Variants in NAV2 observed in about 807,000 individuals in gnomAD.
NAV2 encodes helicase, APC down-regulated 1.
In NAV2, 54 loss-of-function variants were observed where a neutral mutation model predicts 223.2. The ratio of observed to expected loss-of-function variants is 0.24; its 90% CI spans 0.19 to 0.30. NAV2 has a LOEUF of 0.30. Ranked by LOEUF, NAV2 falls within the 10% of genes least tolerant of loss-of-function variation. The pLI, the probability that NAV2 is intolerant of heterozygous loss-of-function variation, is 1.00. For missense variants in NAV2, 2,806 were observed against 3,147.5 expected (o/e 0.89, Z 2.60); for synonymous variants, 1,279 against 1,239.3 (o/e 1.03, Z -0.67).
chr11:19,953,906 C>G (rs181456786), intron 10 of NAV2, among the ~76,000 whole-genome samples: 1 of 151,980 alleles, frequency 6.6e-6, no homozygotes, highest in African/African-American at 2.4e-5. Flanking sequence ...ACTTGGAGTT[C>G]CTAGCAGGCA....
chr11:19,821,106 T>C lies in NAV2; in HGVS notation c.268-11378T>C, dbSNP rs182476596. Reference sequence around the variant, plus strand: ...TGAAACCCCGTCTCTACTAAAAATATAAAAAATTACCCAGGCGTGGTGGCA... The same window carrying C: ...TGAAACCCCGTCTCTACTAAAAATACAAAAAATTACCCAGGCGTGGTGGCA... On this transcript the variant is annotated intron_variant, in intron 1 of 37. Transcript: ENST00000349880. Among the ~76,000 whole-genome samples, 921 of 151,926 alleles carry C rather than the reference T, an allele frequency of 6.1e-3. 11 individuals carry two copies. The highest frequency in any genetic ancestry group is 0.02 in the Middle Eastern group (6 of 294).
chr11:19,637,686 G>A (rs1002961849), intron 1 of NAV2, among the ~76,000 whole-genome samples: 1 of 152,178 alleles, frequency 6.6e-6, no homozygotes, highest in Non-Finnish European at 1.5e-5. Context: ...GGGGGTGGAG[G>A]ATGTCACACA....
chr11:19,913,272 C>A lies in NAV2; in HGVS notation c.932-19904C>A, dbSNP rs566246816. ...GTGTTTGCAGCTTTATTAAGAAAAT[C>A]AAAGGACCTCCCTCTTCTGCCCTTC... On this transcript the variant is annotated intron_variant, in intron 6 of 37. Coordinates refer to ENST00000349880, the MANE Select transcript of NAV2 (RefSeq NM_145117.5). Among the ~76,000 whole-genome samples, 92 of 152,306 alleles carry A rather than the reference C, an allele frequency of 6.0e-4. 1 individual carries two copies. The South Asian group carries it at 0.019, about 32-fold the overall frequency.
At chr11:19,628,651 A>ACTC (rs980428845) in intron 1 of NAV2, among the ~76,000 whole-genome samples, 2 of 152,098 alleles carry the variant, frequency 1.3e-5, no homozygotes, top group African/African-American at 2.4e-5. Context: ...ACACAAGGAA[A>ACTC]CTCACTCATT....
chr11:19,715,303 C>T (rs915322298), intron 1 of NAV2, among the ~76,000 whole-genome samples: 1 of 152,188 alleles, frequency 6.6e-6, no homozygotes, highest in Non-Finnish European at 1.5e-5. Flanking sequence ...GGCAAGATTT[C>T]CTCCAGTGCT....
At chr11:19,371,317 C>A (rs1321859785) in intron 1 of NAV2, among the ~76,000 whole-genome samples, 1 of 152,148 alleles carries the variant, frequency 6.6e-6, no homozygotes, top group African/African-American at 2.4e-5. Context: ...CAAATCCTTA[C>A]CATTGGAGGC....
intron 6 of NAV2, among the ~76,000 whole-genome samples, chr11:19,925,325 A>G (rs1348096784): frequency 6.6e-6 from 1 of 152,194 alleles, no homozygotes; most frequent in East Asian, 1.9e-4. Context: ...TTTTGGTGTC[A>G]TATCCAAGAA....
rs56384242 is a variant in NAV2 at position 19,679,430 on chromosome 11, C to CAAAAAAAAAAAAAAAAAAAAAAA, written c.76-153047_76-153046insAAAAAAAAAAAAAAAAAAAAAAA. On this transcript the variant is annotated intron_variant, in intron 1 of 37. Coordinates refer to the NAV2 transcript ENST00000360655. ...TGGGCAACAGAACGAGACTCTGTCTCAAAAAAACACAAAAAGATTTGGGGG... is the reference window on the plus strand; with the variant it reads ...TGGGCAACAGAACGAGACTCTGTCTCAAAAAAAAAAAAAAAAAAAAAAAAAAAAAACACAAAAAGATTTGGGGG... Among the ~76,000 whole-genome samples the CAAAAAAAAAAAAAAAAAAAAAAA allele has an allele frequency of 1.8e-5, 2 of 114,140 alleles. 1 individual carries two copies. 74.9% of individuals were successfully genotyped at this position (114,140 alleles called of 152,430 possible).
intron 1 of NAV2, among the ~76,000 whole-genome samples, chr11:19,363,132 GC>G (rs1192204941): frequency 2.0e-5 from 3 of 151,718 alleles, no homozygotes; most frequent in Non-Finnish European, 4.4e-5. Context: ...CCCTCCCCTA[GC>G]CCCCCACCCC....
At chr11:19,867,130 G>C (rs2062143562) in intron 3 of NAV2, among the ~76,000 whole-genome samples, 1 of 152,164 alleles carries the variant, frequency 6.6e-6, no homozygotes, top group South Asian at 2.1e-4. Context: ...GGGTTTCATG[G>C]TATGGTGAGG....
At position 19,748,165 on chromosome 11, in the gene NAV2, C is replaced by T. The variant is rs185440692; in HGVS notation, c.267+34203C>T. Among the ~76,000 whole-genome samples, 53 of 152,332 alleles carry T rather than the reference C, an allele frequency of 3.5e-4. 1 individual carries two copies. Among genetic ancestry groups the T allele is most frequent in the Admixed American group, 3.2e-3 (49 of 15,300 alleles). On this transcript the variant is annotated intron_variant, in intron 1 of 37. Transcript: ENST00000349880. ...ATTGGATTTCCTTCAAAGCAAGTCA[C>T]AGTCAATTCTCCCAGCTTGTTCAGA...
chr11:20,077,329 A>G (rs1343609748), intron 22 of NAV2, among the ~76,000 whole-genome samples: 1 of 152,070 alleles, frequency 6.6e-6, no homozygotes, highest in Non-Finnish European at 1.5e-5. Context: ...AGGGGAAAAG[A>G]TGTACAAGGG....
At chr11:19,985,630 G>A (rs549829540) in intron 11 of NAV2, among the ~76,000 whole-genome samples, 50 of 151,988 alleles carry the variant, frequency 3.3e-4, no homozygotes, top group Non-Finnish European at 5.9e-4. Context: ...AGGCTGGAGT[G>A]CAGTGGCATG....
intron 1 of NAV2, among the ~76,000 whole-genome samples, chr11:19,654,935 G>T (rs568098147): frequency 6.6e-6 from 1 of 152,046 alleles, no homozygotes; most frequent in Admixed American, 6.6e-5. Flanking sequence ...AAAAGAAACT[G>T]CCATCAGAGT....
chr11:20,080,775 A>G (rs1297435443), intron 25 of NAV2, among the ~76,000 whole-genome samples: 1 of 152,220 alleles, frequency 6.6e-6, no homozygotes, highest in Non-Finnish European at 1.5e-5. Flanking sequence ...AGCAAGTTTA[A>G]TAGAATCAGT....
chr11:19,915,994 A>C (rs948000554), intron 6 of NAV2, among the ~76,000 whole-genome samples: 7 of 152,216 alleles, frequency 4.6e-5, no homozygotes, highest in Non-Finnish European at 1.0e-4. Flanking sequence ...AGTCTCTTCA[A>C]GCCTCAGTTT....
intron 6 of NAV2, among the ~76,000 whole-genome samples, chr11:19,893,727 C>T (rs1279082982): frequency 2.0e-5 from 3 of 152,214 alleles, no homozygotes; most frequent in Non-Finnish European, 2.9e-5. Context: ...CTAACGCCAT[C>T]ACCAGGATGT....
rs563793601 is a variant in NAV2 at position 19,937,359 on chromosome 11, C to CA, written c.2034-2302_2034-2301insA. On this transcript the variant is annotated intron_variant, in intron 7 of 37. Transcript: ENST00000349880. The stretch of plus-strand genomic sequence containing the variant: ...ATATAACTTATAATTGCTCCCCCCC[C>CA]GCCCACCAAAACCTCTCCATGTTAA... 3.5e-4 allele frequency among the ~76,000 whole-genome samples: 53 copies of CA among 151,560 alleles called. No homozygotes were observed. In the East Asian group the frequency reaches 8.2e-3, roughly 23 times the overall value.
chr11:19,499,385 A>G (rs1040373781), intron 1 of NAV2, among the ~76,000 whole-genome samples: 2 of 152,230 alleles, frequency 1.3e-5, no homozygotes, highest in African/African-American at 2.4e-5. Flanking sequence ...CACAGGGGTC[A>G]AGGTGGGAAA....
Sources: allele counts gnomAD v4.1 joint callset (sites outside exome capture counted in the v4.1 genomes callset), GRCh38; gene constraint gnomAD v4.1.1; transcripts MANE v1.5; gene names NCBI Gene and HGNC (gene_info 2026-07-23, HGNC 2026-07-21).